The following DOCK3 variants were observed in gnomAD, a reference collection of about 807,000 sequenced individuals.
DOCK3 encodes dedicator of cytokinesis protein 3.
In DOCK3, 60 loss-of-function variants were observed where a neutral mutation model predicts 265.6. The observed-to-expected ratio is 0.23, with a 90% CI of 0.18 to 0.28. The LOEUF (loss-of-function observed/expected upper bound fraction) is 0.28, where lower values mean the gene tolerates loss of function less well. Among genes scored for constraint, DOCK3 ranks in the 10% least tolerant of loss-of-function variants. The pLI, the probability that DOCK3 is intolerant of heterozygous loss-of-function variation, is 1.00. For missense variants in DOCK3, 1,981 were observed against 2,594.3 expected (o/e 0.76, Z 5.14); for synonymous variants, 881 against 938.0 (o/e 0.94, Z 1.11).
intron 14 of DOCK3, among the ~76,000 whole-genome samples, chr3:51,219,286 G>A (rs940324376): frequency 6.6e-6 from 1 of 152,148 alleles, no homozygotes; most frequent in African/African-American, 2.4e-5. Context: ...GAAGATAGTT[G>A]GGTGTAAGTT....
At chr3:50,759,754 A>G (rs1206686045) in intron 1 of DOCK3, among the ~76,000 whole-genome samples, 1 of 150,108 alleles carries the variant, frequency 6.7e-6, no homozygotes, top group Non-Finnish European at 1.5e-5. Flanking sequence ...AAGGCTTGGG[A>G]GGCTGAGGTG....
chr3:51,171,573 G>A (rs1220513766), intron 12 of DOCK3, among the ~76,000 whole-genome samples: 4 of 151,788 alleles, frequency 2.6e-5, no homozygotes, highest in South Asian at 2.1e-4. Flanking sequence ...AAAAATTAGC[G>A]GAGTGTGGTG....
chr3:51,333,016 G>A lies in DOCK3; in HGVS notation c.3504G>A (p.Gly1168=), dbSNP rs1175754456. The change falls in exon 34 of 53, where the codon GGG becomes GGA. Residue 1168 remains glycine (G), a synonymous_variant. Coordinates refer to ENST00000266037, the MANE Select transcript of DOCK3 (RefSeq NM_004947.5). ...CATGGAGTAGAACCCAGCTGTTTGG[G>A]CCCTACCCCAGGTAAGACTGCAGTG... ...ELFSLLTQLF[G]PYPSLLEKVE... is the part of the protein sequence containing the mutation. 2 of 1,613,912 alleles carry A rather than the reference G, an allele frequency of 1.2e-6. No homozygotes were observed. Among genetic ancestry groups the A allele is most frequent in the South Asian group, 1.1e-5 (1 of 91,070 alleles).
Position 51,374,548 on chromosome 3 carries a change from C to G in DOCK3, c.5373C>G (p.Ser1791Arg). 6.2e-7 allele frequency: 1 copy of G among 1,613,770 alleles called. No homozygotes were observed. The highest frequency in any genetic ancestry group is 2.2e-5 in the East Asian group (1 of 44,882). ...TGCCCACATACCGGGACCGCCCAAG[C>G]AGTGCCATGTATCCAGCAGCCATCC... ...LLLPTYRDRP[S>R]SAMYPAAILE... Residue 1791 changes from serine (S) to arginine (R), a missense_variant, in exon 50 of 53, where the codon AGC (serine) becomes AGG (arginine). Coordinates refer to ENST00000266037, the MANE Select transcript of DOCK3 (RefSeq NM_004947.5). This position sits in a 1 kb window ranked among gnomAD's most constrained non-coding sequence, Gnocchi z 4.8.
At chr3:51,201,071 T>A (rs1295666714) in intron 12 of DOCK3, among the ~76,000 whole-genome samples, 6 of 151,782 alleles carry the variant, frequency 4.0e-5, no homozygotes, top group Non-Finnish European at 8.8e-5. Flanking sequence ...TGCAAAATCA[T>A]GCCAAAATGT....
intron 6 of DOCK3, among the ~76,000 whole-genome samples, chr3:51,067,752 C>T (rs925953748): frequency 3.9e-5 from 6 of 151,994 alleles, no homozygotes; most frequent in African/African-American, 9.7e-5. Flanking sequence ...CATGTTGCAC[C>T]AAAACTGATA....
intron 12 of DOCK3, among the ~76,000 whole-genome samples, chr3:51,190,373 A>G (rs1348190720): frequency 6.6e-6 from 1 of 151,922 alleles, no homozygotes; most frequent in Non-Finnish European, 1.5e-5. Context: ...CAGCTCTGAT[A>G]GGGGTGGCAG....
At chr3:51,291,912 A>G (rs1489722557) in intron 27 of DOCK3, among the ~76,000 whole-genome samples, 1 of 152,200 alleles carries the variant, frequency 6.6e-6, no homozygotes, top group Non-Finnish European at 1.5e-5. Flanking sequence ...ATCAAGTGGG[A>G]TTTATCGCTG....
chr3:51,334,145 C>A (rs2084708895), intron 35 of DOCK3, among the ~76,000 whole-genome samples: 1 of 152,186 alleles, frequency 6.6e-6, no homozygotes, highest in Admixed American at 6.5e-5. Flanking sequence ...TGCACCCAGC[C>A]AGAATTAGAA....
At chr3:50,691,223 G>T (rs1266110958) in intron 1 of DOCK3, among the ~76,000 whole-genome samples, 9 of 151,096 alleles carry the variant, frequency 6.0e-5, no homozygotes, top group Non-Finnish European at 1.3e-4. Flanking sequence ...GGCGGAGCTT[G>T]CAGTGAGCCG....
chr3:50,717,509 C>A (rs533119009), intron 1 of DOCK3, among the ~76,000 whole-genome samples: 1 of 152,136 alleles, frequency 6.6e-6, no homozygotes, highest in East Asian at 1.9e-4. Flanking sequence ...CTTATTGTAG[C>A]TTTTTTTCTA....
chr3:50,676,681 T>G (rs954876828), intron 1 of DOCK3, among the ~76,000 whole-genome samples: 1 of 150,558 alleles, frequency 6.6e-6, no homozygotes, highest in Non-Finnish European at 1.5e-5. Flanking sequence ...CATGATTGAT[T>G]TTTTTGGAGG....
intron 21 of DOCK3, among the ~76,000 whole-genome samples, chr3:51,245,522 C>G (rs2078795053): frequency 6.6e-6 from 1 of 151,486 alleles, no homozygotes; most frequent in Non-Finnish European, 1.5e-5. Flanking sequence ...TCCCAAGTAG[C>G]CGGGATTATA....
At chr3:51,277,056 G>A (rs1319218264) in intron 25 of DOCK3, among the ~76,000 whole-genome samples, 5 of 152,158 alleles carry the variant, frequency 3.3e-5, no homozygotes, top group Non-Finnish European at 5.9e-5. Context: ...AGTGGACCCA[G>A]GCATATCTAG....
In DOCK3 at chr3:50,679,628, A is replaced by C. The variant is rs548511555; in HGVS notation, c.37+4328A>C. ...CCTTGAAACCAGATCTGGAAGAATT[A>C]GTGTTCACAAAATTTGAGTAAATCT... On this transcript the variant is annotated intron_variant, in intron 1 of 52. Transcript: ENST00000266037. Among the ~76,000 whole-genome samples the C allele has an allele frequency of 2.6e-5, 4 of 152,330 alleles. No individual in the cohort carries two copies. In the South Asian group the frequency reaches 8.3e-4, roughly 32 times the overall value.
intron 1 of DOCK3, among the ~76,000 whole-genome samples, chr3:50,748,941 G>A (rs1441240330): frequency 6.6e-6 from 1 of 152,132 alleles, no homozygotes; most frequent in Non-Finnish European, 1.5e-5. Flanking sequence ...GCCTTCTTAT[G>A]TGTCGTAACA....
chr3:51,240,885 C>A (rs150782559), intron 21 of DOCK3, among the ~76,000 whole-genome samples: 1 of 152,290 alleles, frequency 6.6e-6, no homozygotes, highest in East Asian at 1.9e-4. Context: ...CTTTATCCAG[C>A]TTGCCACTCT....
chr3:51,345,980 G>A (rs2085537103), intron 38 of DOCK3, among the ~76,000 whole-genome samples: 4 of 152,154 alleles, frequency 2.6e-5, no homozygotes, highest in African/African-American at 9.7e-5. Context: ...GTTGGTCATT[G>A]TTGAAGCTGG....
intron 4 of DOCK3, among the ~76,000 whole-genome samples, chr3:50,905,237 C>T (rs1049660608): frequency 6.6e-6 from 1 of 152,074 alleles, no homozygotes; most frequent in Admixed American, 6.5e-5. Context: ...ATTGTCTTGG[C>T]AATGTGGGCC....
Sources: allele counts gnomAD v4.1 joint callset (sites outside exome capture counted in the v4.1 genomes callset), GRCh38; gene constraint gnomAD v4.1.1; non-coding constraint Gnocchi (gnomAD v3.1); transcripts MANE v1.5; gene names NCBI Gene and HGNC (gene_info 2026-07-23, HGNC 2026-07-21).